Variants in PDLIM3 observed in about 807,000 individuals in gnomAD.
PDLIM3 encodes PDZ and LIM domain protein 3.
A neutral mutation model predicts 37.3 loss-of-function variants in PDLIM3; 36 were observed. That is an observed-to-expected ratio of 0.97 (90% CI 0.74 to 1.28). PDLIM3 has a LOEUF of 1.28. Among genes scored for constraint, PDLIM3 ranks in the 50% most tolerant of loss-of-function variants. PDLIM3 has a pLI of 0.00. For synonymous variants in PDLIM3, 174 were observed against 182.4 expected (o/e 0.95, Z 0.37); for missense variants, 454 against 485.0 (o/e 0.94, Z 0.60).
intron 4 of PDLIM3, among the ~76,000 whole-genome samples, chr4:185,510,374 T>C (rs2095704599): frequency 6.6e-6 from 1 of 152,196 alleles, no homozygotes; most frequent in Non-Finnish European, 1.5e-5. Context: ...TTAGAACTTT[T>C]ACTTATGCCA....
intron 7 of PDLIM3, among the ~76,000 whole-genome samples, chr4:185,503,328 C>T (rs10010708): frequency 0.03 from 4,509 of 152,292 alleles, 235 homozygotes; most frequent in African/African-American, 0.1. Context: ...CTACTGTGAA[C>T]AGTTTATTCC....
intron 4 of PDLIM3, chr4:185,512,721 C>A (rs1278752327): frequency 3.0e-6 from 3 of 985,094 alleles, no homozygotes; most frequent in Non-Finnish European, 3.6e-6. Context: ...GTCACACTAA[C>A]CTGAAAAGAA....
chr4:185,502,344 T>G lies in PDLIM3; in HGVS notation c.1045A>C (p.Thr349Pro). The G allele has an allele frequency of 1.2e-6, 2 of 1,614,234 alleles. No homozygotes were observed. The highest frequency in any genetic ancestry group is 1.1e-5 in the South Asian group (1 of 91,084). ...GTGTCATAGCCCTCTGGGGGCTTTGTGCGGGCTCTTGCGTGGGTTTCGCAG... is the reference window on the plus strand; with the variant it reads ...GTGTCATAGCCCTCTGGGGGCTTTGGGCGGGCTCTTGCGTGGGTTTCGCAG... ...LYCETHARAR[T>P]KPPEGYDTVT... The change falls in exon 8 of 8, where the codon ACA becomes CCA. Residue 349 changes from threonine to proline, a missense_variant. Transcript: ENST00000284767.
chr4:185,520,521 G>A (rs1179129694), intron 3 of PDLIM3, among the ~76,000 whole-genome samples: 1 of 25,430 alleles, frequency 3.9e-5, no homozygotes, highest in African/African-American at 4.5e-5. Context: ...TAGGACACAA[G>A]GGCTAATACA....
At chr4:185,508,638 C>T (rs1029365628) in intron 4 of PDLIM3, 76 bp from the exon 5 acceptor site, 21 of 1,463,270 alleles carry the variant, frequency 1.4e-5, no homozygotes, top group African/African-American at 2.8e-5. Context: ...ACAGAGAACA[C>T]GTACAGAGAG....
intron 4 of PDLIM3, chr4:185,512,794 A>C (rs1318629061): frequency 8.1e-6 from 8 of 981,884 alleles, no homozygotes; most frequent in Middle Eastern, 5.2e-4. Flanking sequence ...GTAAAATATC[A>C]TATCCTTTTA....
chr4:185,510,962 C>G (rs1324809833), intron 4 of PDLIM3, among the ~76,000 whole-genome samples: 1 of 152,236 alleles, frequency 6.6e-6, no homozygotes, highest in Non-Finnish European at 1.5e-5. Context: ...ACGACCTGTT[C>G]CTGATGACCT....
intron 7 of PDLIM3, 62 bp from the exon 8 acceptor site, chr4:185,502,545 A>C (rs748348213): frequency 1.8e-4 from 266 of 1,474,792 alleles, no homozygotes; most frequent in Non-Finnish European, 2.5e-4. Context: ...GAGACAAAGG[A>C]GAGAACCCAA....
intron 1 of PDLIM3, among the ~76,000 whole-genome samples, chr4:185,532,593 T>C (rs544165332): frequency 6.6e-6 from 1 of 152,116 alleles, no homozygotes; most frequent in African/African-American, 2.4e-5. Flanking sequence ...ACTGCCTACG[T>C]GTGGAACAAG....
intron 1 of PDLIM3, 92 bp from the exon 2 acceptor site, chr4:185,525,263 T>C: frequency 8.0e-7 from 1 of 1,250,880 alleles, no homozygotes; most frequent in East Asian, 2.3e-5. Flanking sequence ...GGTAACATTT[T>C]AAATGTTTAA....
intron 4 of PDLIM3, chr4:185,513,327 T>C: frequency 4.1e-6 from 4 of 985,332 alleles, no homozygotes; most frequent in Non-Finnish European, 4.8e-6. Context: ...CTGAAAGGTC[T>C]GGACATGGAA....
At chr4:185,511,584 C>T (rs2095706694) in intron 4 of PDLIM3, among the ~76,000 whole-genome samples, 1 of 152,152 alleles carries the variant, frequency 6.6e-6, no homozygotes, top group African/African-American at 2.4e-5. Flanking sequence ...TGGTCTCAAA[C>T]TCCTGATCTC....
At chr4:185,506,796 T>C (rs2095698325) in intron 5 of PDLIM3, 144 bp from the exon 6 acceptor site, 1 of 706,754 alleles carries the variant, frequency 1.4e-6, no homozygotes. Flanking sequence ...GAATCTCTAG[T>C]ATAGTTAAAA....
chr4:185,519,265 T>C (rs2095719196), intron 3 of PDLIM3, among the ~76,000 whole-genome samples: 1 of 152,174 alleles, frequency 6.6e-6, no homozygotes, highest in African/African-American at 2.4e-5. Flanking sequence ...CTTAGCTATT[T>C]GATGATAGCA....
chr4:185,511,998 A>T (rs2095707306), intron 4 of PDLIM3: 1 of 152,184 alleles, frequency 6.6e-6, no homozygotes, highest in Non-Finnish European at 1.5e-5. Flanking sequence ...ACCTTGATGA[A>T]GAATAGTTTG....
intron 4 of PDLIM3, chr4:185,513,466 C>T (rs2095709815): frequency 2.1e-6 from 2 of 944,114 alleles, no homozygotes; most frequent in Non-Finnish European, 2.5e-6. Context: ...GAGTGATGTG[C>T]ATTTTGACAA....
In PDLIM3 at chr4:185,504,440, G is replaced by C. The variant is rs1344291478; in HGVS notation, c.905+35C>G. ...AGAAGAAATGAACTGTCGCCAAGCT[G>C]TATCGTAAATTCCAGGGTTAAAAGT... is the stretch of plus-strand genomic sequence containing the variant. On this transcript the variant is annotated intron_variant, in intron 7 of 7. Coordinates refer to ENST00000284767, the MANE Select transcript of PDLIM3 (RefSeq NM_014476.6). This position sits in a 1 kb window ranked among gnomAD's most constrained non-coding sequence, Gnocchi z 4.7. 1 of 1,511,050 alleles carries C rather than the reference G, an allele frequency of 6.6e-7. No individual in the cohort carries two copies. The highest frequency in any genetic ancestry group is 1.7e-5 in the Admixed American group (1 of 59,824). The allele number at this position is 1,511,050 out of a possible 1,614,324, so 93.6% of individuals were successfully genotyped here.
At chr4:185,509,708 T>C (rs1321840504) in intron 4 of PDLIM3, among the ~76,000 whole-genome samples, 2 of 152,188 alleles carry the variant, frequency 1.3e-5, no homozygotes, top group Admixed American at 1.3e-4. Context: ...AGACAGAGAA[T>C]GGATGTATAT....
At chr4:185,502,568 A>G (rs2095688900) in intron 7 of PDLIM3, 85 bp from the exon 8 acceptor site, 1 of 1,246,680 alleles carries the variant, frequency 8.0e-7, no homozygotes, top group African/African-American at 1.4e-5. Context: ...GAGAAGGCAG[A>G]TGTTCTCTAT....
Sources: allele counts gnomAD v4.1 joint callset (sites outside exome capture counted in the v4.1 genomes callset), GRCh38; gene constraint gnomAD v4.1.1; non-coding constraint Gnocchi (gnomAD v3.1); transcripts MANE v1.5; gene names NCBI Gene and HGNC (gene_info 2026-07-23, HGNC 2026-07-21).